The following RSPH3 variants were observed in gnomAD, a reference collection of about 807,000 sequenced individuals.
The protein encoded by RSPH3 is radial spoke head protein 3 homolog.
RSPH3 carries 21 observed loss-of-function variants against 43.8 expected under a neutral mutation model. The ratio of observed to expected loss-of-function variants is 0.48; its 90% CI spans 0.34 to 0.69. The LOEUF is 0.69. Among genes scored for constraint, RSPH3 ranks in the 30% least tolerant of loss-of-function variants. The pLI is 0.01. For missense variants in RSPH3, 487 were observed against 516.0 expected (o/e 0.94, Z 0.54); for synonymous variants, 173 against 179.8 (o/e 0.96, Z 0.30).
downstream of RSPH3, among the ~76,000 whole-genome samples, chr6:158,969,639 C>T (rs10755566): frequency 0.13 from 20,062 of 152,060 alleles, 2,044 homozygotes; most frequent in East Asian, 0.41. Flanking sequence ...GGGATGTGTA[C>T]GTTGATATGC....
the RSPH3 span, among the ~76,000 whole-genome samples, chr6:158,967,145 G>A: frequency 6.6e-6 from 1 of 151,834 alleles, no homozygotes; most frequent in Non-Finnish European, 1.5e-5. Flanking sequence ...CAAGTAGTTG[G>A]TACTACATGC....
chr6:158,991,103 A>G (rs1344459060), intron 2 of RSPH3, among the ~76,000 whole-genome samples: 1 of 151,732 alleles, frequency 6.6e-6, no homozygotes, highest in Non-Finnish European at 1.5e-5. Context: ...AGATTTTTTT[A>G]TTTGTTTCAA....
intron 2 of RSPH3, among the ~76,000 whole-genome samples, chr6:158,987,227 T>C (rs1474589997): frequency 5.9e-5 from 9 of 152,336 alleles, no homozygotes; most frequent in African/African-American, 1.9e-4. Context: ...TATTACAGAG[T>C]GACTGTGTTT....
In RSPH3 at chr6:158,989,552, T is replaced by A. The variant is rs1339117738; in HGVS notation, c.205-3131A>T. Among the ~76,000 whole-genome samples, 2 of 152,200 alleles carry A rather than the reference T, an allele frequency of 1.3e-5. No homozygotes were observed. The highest frequency in any genetic ancestry group is 2.1e-4 in the South Asian group (1 of 4,828). On this transcript the variant is annotated intron_variant, in intron 2 of 7. Coordinates refer to ENST00000367069, the MANE Select transcript of RSPH3 (RefSeq NM_031924.8). The surrounding 1 kb of genome is among the most constrained non-coding windows in gnomAD (Gnocchi z 4.3). ...GTTATCTCCTACAATGTGGTGCTGCTGAACAGCCACTCTGATTTGGTGTTT... is the reference window on the plus strand; with the variant it reads ...GTTATCTCCTACAATGTGGTGCTGCAGAACAGCCACTCTGATTTGGTGTTT...
the RSPH3 span, among the ~76,000 whole-genome samples, chr6:158,967,426 T>C: frequency 6.6e-6 from 1 of 152,316 alleles, no homozygotes; most frequent in African/African-American, 2.4e-5. Flanking sequence ...CTTTTTATTA[T>C]TGACTTCTAA....
At chr6:158,983,994 C>A (rs1156722770) in intron 3 of RSPH3, among the ~76,000 whole-genome samples, 187 bp from the exon 4 acceptor site, 6 of 151,786 alleles carry the variant, frequency 4.0e-5, no homozygotes, top group African/African-American at 1.5e-4. Flanking sequence ...ATTAGCTGGG[C>A]GTGGTGGTGC....
At chr6:158,998,347 T>C (rs1249617014) in intron 1 of RSPH3, among the ~76,000 whole-genome samples, 1 of 146,234 alleles carries the variant, frequency 6.8e-6, no homozygotes, top group Non-Finnish European at 1.5e-5. Context: ...CGGGCGCCTG[T>C]AGTCCCAGCT....
chr6:158,981,996 CA>C (rs1253276228), intron 5 of RSPH3, among the ~76,000 whole-genome samples: 2 of 151,804 alleles, frequency 1.3e-5, no homozygotes, highest in Non-Finnish European at 2.9e-5. Context: ...TACGAGAACC[CA>C]AATAGGTCTG....
At chr6:158,966,044 T>C in the RSPH3 span, among the ~76,000 whole-genome samples, 1 of 152,158 alleles carries the variant, frequency 6.6e-6, no homozygotes, top group African/African-American at 2.4e-5. Flanking sequence ...ATATGGCATA[T>C]ATTCTTTTCT....
At chr6:158,998,788 T>G (rs113090409) in intron 1 of RSPH3, among the ~76,000 whole-genome samples, 16,163 of 88,846 alleles carry the variant, frequency 0.18, 1,519 homozygotes, top group East Asian at 0.48. Flanking sequence ...CGGGGAGGAG[T>G]GGGGGAGGGG....
rs779502317 is a variant in RSPH3, at chr6:158,982,551, T to C, written c.630A>G (p.Leu210=). ...LRASQREYEE[L]RNSERAEVQR... is the part of the protein sequence containing the mutation. The stretch of plus-strand genomic sequence containing the variant: ...GAACTTCAGCACGTTCACTATTCCG[T>C]AGTTCTTCATACTCACGCTGACTGG... The change falls in exon 5 of 8, where the codon CTA becomes CTG. Residue 210 remains leucine, a synonymous_variant. Coordinates refer to ENST00000367069, the MANE Select transcript of RSPH3 (RefSeq NM_031924.8). 1.2e-6 allele frequency: 2 copies of C among 1,613,836 alleles called. No individual in the cohort carries two copies. The highest frequency in any genetic ancestry group is 2.2e-5 in the East Asian group (1 of 44,892).
Position 158,986,280 on chromosome 6 carries a change from C to G in RSPH3, c.346G>C (p.Glu116Gln). The change falls in exon 3 of 8, where the codon GAA becomes CAA. Residue 116 changes from glutamate (E) to glutamine (Q), a missense_variant and splice_region_variant. Glu to Gln is a conservative substitution (Grantham distance 29, BLOSUM62 2). Transcript: ENST00000367069. ...EGRKHVDVQT[E>Q]LYLEEIADRI... ...CAATGCCAAGGGCACAGTCACACAC[C>G]TGTTTGCACATCGACATGCTTTCTG... 1.9e-6 allele frequency: 3 copies of G among 1,613,616 alleles called. No individual in the cohort carries two copies. Among genetic ancestry groups the G allele is most frequent in the Non-Finnish European group, 2.5e-6 (3 of 1,179,774 alleles).
Position 158,977,641 on chromosome 6 carries a change from C to A in RSPH3, c.1154G>T (p.Arg385Ile). ...AAACTTCCTTTCCTGGGATGACCTT[C>A]TGTCATATGTTGTTCTTTGTAGGTA... ...GGYLQRTTYD[R>I]RSSQERKFME... Residue 385 changes from arginine (R) to isoleucine (I), a missense_variant, in exon 8 of 8, where the codon AGA (arginine) becomes ATA (isoleucine). Coordinates refer to ENST00000367069, the MANE Select transcript of RSPH3 (RefSeq NM_031924.8). The A allele has an allele frequency of 6.2e-7, 1 of 1,614,122 alleles. No individual in the cohort carries two copies. The highest frequency in any genetic ancestry group is 8.5e-7 in the Non-Finnish European group (1 of 1,179,992).
At position 158,993,843 on chromosome 6, in the gene RSPH3, G is replaced by A. The variant is rs1328300250; in HGVS notation, c.200C>T (p.Pro67Leu). ...GACTATTCAAACTGAACTTACCAGT[G>A]GCCCTGTCTGGAGTGCATAAGTGTT... Reference protein sequence around the residue: ...RGNTYALQTGPLLGRPDSLEL... With the variant: ...RGNTYALQTGLLLGRPDSLEL... Residue 67 changes from proline (P) to leucine (L), a missense_variant, in exon 2 of 8, where the codon CCA (proline) becomes CTA (leucine). Transcript: ENST00000367069. 6.3e-7 allele frequency: 1 copy of A among 1,581,848 alleles called. No individual in the cohort carries two copies. The highest frequency in any genetic ancestry group is 8.7e-7 in the Non-Finnish European group (1 of 1,151,422).
intron 2 of RSPH3, among the ~76,000 whole-genome samples, chr6:158,990,725 G>A (rs1218472956): frequency 6.6e-6 from 1 of 151,876 alleles, no homozygotes; most frequent in Non-Finnish European, 1.5e-5. Flanking sequence ...CTCTTGGGGG[G>A]TCACTTGGCT....
At position 158,989,119 on chromosome 6, in the gene RSPH3, T is replaced by G. The variant is rs1028000142; in HGVS notation, c.205-2698A>C. Among the ~76,000 whole-genome samples, 1 of 152,084 alleles carries G rather than the reference T, an allele frequency of 6.6e-6. No individual in the cohort carries two copies. Among genetic ancestry groups the G allele is most frequent in the Non-Finnish European group, 1.5e-5 (1 of 68,022 alleles). ...TGGAGTGCAGTGGTGTGATCTTGGC[T>G]CACTGCAACCTCTGCCTCCTGGGTT... On this transcript the variant is annotated intron_variant, in intron 2 of 7. Transcript: ENST00000367069. The surrounding 1 kb of genome is among the most constrained non-coding windows in gnomAD (Gnocchi z 4.3).
chr6:158,988,435 G>A (rs567436474), intron 2 of RSPH3, among the ~76,000 whole-genome samples: 19 of 152,146 alleles, frequency 1.2e-4, no homozygotes, highest in African/African-American at 4.1e-4. Flanking sequence ...CTCAAGTTTT[G>A]GAAAGTTTTC....
At chr6:158,967,924 T>A (rs1465846651), downstream of RSPH3, among the ~76,000 whole-genome samples, 7 of 152,218 alleles carry the variant, frequency 4.6e-5, no homozygotes, top group Non-Finnish European at 5.9e-5. Flanking sequence ...GCATGCCATA[T>A]CTTTGTCCAT....
chr6:158,999,782 G>A lies in RSPH3; in HGVS notation c.-232C>T. On this transcript the variant is annotated 5_prime_UTR_variant, in exon 1 of 8. Coordinates refer to ENST00000367069, the MANE Select transcript of RSPH3 (RefSeq NM_031924.8). ...AGAGACCAGCTGCGGGGGCCGCATC[G>A]GTTGCCCAGCAACCCAGGGTTCTGT... The A allele has an allele frequency of 6.2e-7, 1 of 1,611,946 alleles. No individual in the cohort carries two copies. The highest frequency in any genetic ancestry group is 8.5e-7 in the Non-Finnish European group (1 of 1,178,586).
Sources: gnomAD v4.1 joint callset for allele counts (sites outside exome capture counted in the v4.1 genomes callset) on GRCh38, gnomAD v4.1.1 for gene constraint, Gnocchi (gnomAD v3.1) non-coding constraint, MANE v1.5 for transcripts, NCBI Gene and HGNC (gene_info 2026-07-23, HGNC 2026-07-21) for gene names.